PIK3R5: variants seen among roughly 807,000 people sequenced by gnomAD.
PIK3R5 encodes the protein phosphoinositide-3-kinase regulatory subunit 5.
In PIK3R5, 32 loss-of-function variants were observed where a neutral mutation model predicts 94.9. That is an observed-to-expected ratio of 0.34 (90% CI 0.25 to 0.45). PIK3R5 has a LOEUF of 0.45. PIK3R5 is among the 20% of genes least tolerant of loss of function. The probability of loss-of-function intolerance (pLI) is 1.00; values close to 1 mark genes in which losing one functional copy is unlikely to be tolerated. For synonymous variants in PIK3R5, 443 were observed against 479.4 expected (o/e 0.92, Z 0.99); for missense variants, 853 against 1,144.6 (o/e 0.75, Z 3.68).
chr17:8,942,830 T>C (rs2091208598), intron 1 of PIK3R5, among the ~76,000 whole-genome samples: 1 of 151,796 alleles, frequency 6.6e-6, no homozygotes, highest in South Asian at 2.1e-4. Context: ...ATGGTCTCGA[T>C]CTCCTGACCT....
At chr17:8,894,801 G>C (rs1215331290) in intron 5 of PIK3R5, among the ~76,000 whole-genome samples, 2 of 150,802 alleles carry the variant, frequency 1.3e-5, no homozygotes, top group Admixed American at 6.6e-5. Flanking sequence ...AGTCCCCATC[G>C]AGAGCAGGGC....
intron 1 of PIK3R5, among the ~76,000 whole-genome samples, chr17:8,933,068 T>C (rs1291090111): frequency 6.6e-6 from 1 of 152,056 alleles, no homozygotes; most frequent in Non-Finnish European, 1.5e-5. Context: ...CAAACTAGGA[T>C]AGAGTGATAT....
Position 8,890,798 on chromosome 17 carries a change from G to C in PIK3R5, c.597C>G (p.His199Gln). The change falls in exon 7 of 19, where the codon CAC (histidine) becomes CAG (glutamine). Residue 199 changes from histidine to glutamine, a missense_variant. His to Gln is a conservative substitution (Grantham distance 24). Transcript: ENST00000447110. The surrounding 1 kb of genome is among the most constrained non-coding windows in gnomAD (Gnocchi z 6.1). ...GGGCCCCAAAGGTGGCCTGGAAGGC[G>C]TGCAGGAGCAGGGTGGTGTAGGCAC... ...PHSAYTTLLL[H>Q]AFQATFGAHC... 6 of 1,613,082 alleles carry C rather than the reference G, an allele frequency of 3.7e-6. No individual in the cohort carries two copies. The highest frequency in any genetic ancestry group is 5.1e-6 in the Non-Finnish European group (6 of 1,179,664).
At chr17:8,950,168 C>T (rs1474531507) in intron 1 of PIK3R5, among the ~76,000 whole-genome samples, 1 of 152,176 alleles carries the variant, frequency 6.6e-6, no homozygotes, top group Admixed American at 6.5e-5. Flanking sequence ...CGAATGATAA[C>T]ACAGATAGAT....
chr17:8,930,843 A>G (rs1567661421), intron 1 of PIK3R5, among the ~76,000 whole-genome samples: 1 of 152,232 alleles, frequency 6.6e-6, no homozygotes, highest in Non-Finnish European at 1.5e-5. Flanking sequence ...AATGGAGAAC[A>G]TATTGGTGGT....
At chr17:8,903,142 G>A (rs2090325538) in intron 5 of PIK3R5, among the ~76,000 whole-genome samples, 1 of 152,062 alleles carries the variant, frequency 6.6e-6, no homozygotes, top group African/African-American at 2.4e-5. Context: ...ACCACACCTG[G>A]CCTTTTTAGA....
At chr17:8,956,401 C>T (rs1430434415) in intron 1 of PIK3R5, among the ~76,000 whole-genome samples, 5 of 152,132 alleles carry the variant, frequency 3.3e-5, no homozygotes. Context: ...AGGGAAGGAG[C>T]AGGTCCCCTC....
chr17:8,885,993 CTA>C (rs2089837124), intron 14 of PIK3R5, among the ~76,000 whole-genome samples: 2 of 151,474 alleles, frequency 1.3e-5, no homozygotes, highest in African/African-American at 4.9e-5. Context: ...CTGGGTAACC[CTA>C]CCTTCCCGTG....
intron 5 of PIK3R5, among the ~76,000 whole-genome samples, chr17:8,903,893 AAGTATTCTTT>A (rs2090343516): frequency 6.6e-6 from 1 of 152,224 alleles, no homozygotes. Context: ...TCAGAAGAGA[AAGTATTCTTT>A]ATTTTTGTCT....
At chr17:8,963,914 G>A (rs2091611457) in intron 1 of PIK3R5, among the ~76,000 whole-genome samples, 2 of 152,242 alleles carry the variant, frequency 1.3e-5, no homozygotes, top group South Asian at 4.1e-4. Context: ...AAGCAGGGGA[G>A]GGAGCCCTGA....
At chr17:8,907,092 C>T (rs1404752761) in intron 3 of PIK3R5, among the ~76,000 whole-genome samples, 6 of 151,904 alleles carry the variant, frequency 3.9e-5, no homozygotes, top group African/African-American at 1.5e-4. Context: ...GGTGCAATAT[C>T]GGCTCACTGC....
chr17:8,938,172 T>G (rs559646753), intron 1 of PIK3R5, among the ~76,000 whole-genome samples: 2 of 152,322 alleles, frequency 1.3e-5, no homozygotes, highest in East Asian at 3.9e-4. Flanking sequence ...GAAACTTTTT[T>G]GTTTTGGAAG....
chr17:8,884,669 A>C lies in PIK3R5; in HGVS notation c.2205+38T>G, dbSNP rs1429931606. On this transcript the variant is annotated intron_variant, in intron 15 of 18. Transcript: ENST00000447110. The surrounding 1 kb of genome is among the most constrained non-coding windows in gnomAD (Gnocchi z 5.8). ...CTCTGGCGGAGGAAGTATCAGCAGC[A>C]GATCCTGGAGGGGAAGGAGCCCCAG... 6.7e-7 allele frequency: 1 copy of C among 1,503,558 alleles called. No individual in the cohort carries two copies. Among genetic ancestry groups the C allele is most frequent in the East Asian group, 2.3e-5 (1 of 44,318 alleles). 93.1% of individuals were successfully genotyped at this position (1,503,558 alleles called of 1,614,324 possible).
rs1270124631 is a variant in PIK3R5, at chr17:8,887,117, C to T, written c.1884G>A (p.Leu628=). 1 of 1,613,910 alleles carries T rather than the reference C, an allele frequency of 6.2e-7. No homozygotes were observed. Among genetic ancestry groups the T allele is most frequent in the Admixed American group, 1.7e-5 (1 of 60,000 alleles). ...YERNVLGLMH[L]PPEVLCQQSL... is the part of the protein sequence containing the mutation. ...TTACCTGGCACAGGACTTCAGGGGG[C>T]AGGTGCATGAGGCCCAGTACATTGC... The change falls in exon 12 of 19, where the codon CTG becomes CTA. Residue 628 remains leucine, a synonymous_variant. Transcript: ENST00000447110.
chr17:8,890,678 G>C lies in PIK3R5; in HGVS notation c.657+60C>G. ...GAGACCGTGGCTGAGATGAAGCAGG[G>C]AGAGGGTGCTACCTCCTCAGAGAGG... is the stretch of plus-strand genomic sequence containing the variant. On this transcript the variant is annotated intron_variant, in intron 7 of 18. Coordinates refer to ENST00000447110, the MANE Select transcript of PIK3R5 (RefSeq NM_001142633.3). The surrounding 1 kb of genome is among the most constrained non-coding windows in gnomAD (Gnocchi z 6.1). The C allele has an allele frequency of 2.8e-6, 4 of 1,418,356 alleles. No individual in the cohort carries two copies. The highest frequency in any genetic ancestry group is 3.9e-6 in the Non-Finnish European group (4 of 1,036,130). 87.9% of individuals were successfully genotyped at this position (1,418,356 alleles called of 1,614,324 possible).
chr17:8,898,031 G>A (rs1390596462), intron 5 of PIK3R5, among the ~76,000 whole-genome samples: 1 of 152,184 alleles, frequency 6.6e-6, no homozygotes, highest in Non-Finnish European at 1.5e-5. Context: ...GCTATAGGCA[G>A]CCAGCTCAGT....
intron 5 of PIK3R5, among the ~76,000 whole-genome samples, chr17:8,895,433 C>A (rs771473249): frequency 1.3e-5 from 2 of 152,190 alleles, no homozygotes; most frequent in Non-Finnish European, 2.9e-5. Flanking sequence ...CCCTCCACAT[C>A]AGCTTTCTTC....
intron 5 of PIK3R5, among the ~76,000 whole-genome samples, chr17:8,898,854 T>C (rs577259006): frequency 6.6e-6 from 1 of 152,342 alleles, no homozygotes; most frequent in South Asian, 2.1e-4. Flanking sequence ...TACTTCACTT[T>C]GTAGCTTAAA....
rs770045163 is a variant in PIK3R5 at position 8,888,552 on chromosome 17, C to A, written c.1235G>T (p.Arg412Leu). The A allele has an allele frequency of 6.8e-6, 11 of 1,611,868 alleles. No individual in the cohort carries two copies. The highest frequency in any genetic ancestry group is 2.2e-5 in the South Asian group (2 of 90,958). ...CTTCTGCCCAGGCCTGCGGTGGCCT[C>A]GGCGTTCCTGGCTGCCACGCCTCCA... ...WPWRRGSQER[R>L]GHRRPGQKFI... The change falls in exon 10 of 19, where the codon CGA (arginine) becomes CTA (leucine). Residue 412 changes from arginine (R) to leucine (L), a missense_variant. Around this residue, in one of 6 missense-constraint regions of PIK3R5, gnomAD observed 319 missense variants for 339.8 expected, o/e 0.94. Coordinates refer to ENST00000447110, the MANE Select transcript of PIK3R5 (RefSeq NM_001142633.3). This position sits in a 1 kb window ranked among gnomAD's most constrained non-coding sequence, Gnocchi z 7.8.
Sources: gnomAD v4.1 joint callset for allele counts (sites outside exome capture counted in the v4.1 genomes callset) on GRCh38, gnomAD v4.1.1 for gene constraint, gnomAD v4.1.1 regional missense constraint, Gnocchi (gnomAD v3.1) non-coding constraint, MANE v1.5 for transcripts, NCBI Gene and HGNC (gene_info 2026-07-23, HGNC 2026-07-21) for gene names.